The following TMPRSS15 variants were observed in gnomAD, a reference collection of about 807,000 sequenced individuals.
TMPRSS15 encodes the protein transmembrane serine protease 15, also known as enteropeptidase.
A neutral mutation model predicts 125.3 loss-of-function variants in TMPRSS15; 128 were observed. The ratio of observed to expected loss-of-function variants is 1.02; its 90% CI spans 0.89 to 1.18. The LOEUF is 1.18. Among genes scored for constraint, TMPRSS15 ranks in the 50% most tolerant of loss-of-function variants. TMPRSS15 has a pLI of 0.00. For synonymous variants in TMPRSS15, 446 were observed against 423.2 expected (o/e 1.05, Z -0.66); for missense variants, 1,283 against 1,212.7 (o/e 1.06, Z -0.86).
chr21:18,384,513 A>G (rs1310298973), intron 3 of TMPRSS15, among the ~76,000 whole-genome samples: 5 of 152,116 alleles, frequency 3.3e-5, no homozygotes, highest in South Asian at 2.1e-4. Context: ...CATGCATTTT[A>G]AAAGGTAACT....
chr21:18,356,268 A>G (rs911106161), intron 8 of TMPRSS15, among the ~76,000 whole-genome samples: 1 of 151,852 alleles, frequency 6.6e-6, no homozygotes, highest in Non-Finnish European at 1.5e-5. Flanking sequence ...CCAACTTTCT[A>G]CAGAATAGGA....
At chr21:18,274,943 C>G (rs1049593013) in intron 24 of TMPRSS15, among the ~76,000 whole-genome samples, 3 of 152,218 alleles carry the variant, frequency 2.0e-5, no homozygotes, top group African/African-American at 7.2e-5. Context: ...TTTTAGCTGG[C>G]TGCCTCACAC....
chr21:18,325,990 G>A (rs2075285199), intron 16 of TMPRSS15, among the ~76,000 whole-genome samples: 1 of 151,900 alleles, frequency 6.6e-6, no homozygotes, highest in Non-Finnish European at 1.5e-5. Context: ...GCTTTACTCT[G>A]GTTGTCTCCA....
chr21:18,391,268 T>G (rs2075987900), intron 3 of TMPRSS15, among the ~76,000 whole-genome samples: 1 of 152,190 alleles, frequency 6.6e-6, no homozygotes, highest in African/African-American at 2.4e-5. Flanking sequence ...AAGTCCAAAG[T>G]CTCATCTGAG....
intron 1 of TMPRSS15, chr21:18,485,723 TC>T (rs1429950327): frequency 6.4e-6 from 1 of 155,528 alleles, no homozygotes; most frequent in East Asian, 1.9e-4. Context: ...ATTGTGTTAG[TC>T]TGTTCTCACA....
chr21:18,442,450 G>A (rs1389100072), intron 1 of TMPRSS15, among the ~76,000 whole-genome samples: 2 of 151,844 alleles, frequency 1.3e-5, no homozygotes, highest in Non-Finnish European at 2.9e-5. Context: ...GCAAACTTTT[G>A]CTCCAAATAT....
intron 13 of TMPRSS15, among the ~76,000 whole-genome samples, chr21:18,334,001 G>A (rs1042634936): frequency 4.6e-5 from 7 of 151,972 alleles, no homozygotes; most frequent in African/African-American, 9.7e-5. Flanking sequence ...ATTATGAAAG[G>A]CATATAATAC....
intron 3 of TMPRSS15, among the ~76,000 whole-genome samples, chr21:18,387,130 TA>T (rs1303793233): frequency 6.6e-6 from 1 of 152,082 alleles, no homozygotes; most frequent in Non-Finnish European, 1.5e-5. Context: ...AAAGCAGAAA[TA>T]AAAAAAGTTG....
In TMPRSS15 at chr21:18,297,745, T is replaced by C. The variant is rs770528581; in HGVS notation, c.2250A>G (p.Ile750Met). The C allele has an allele frequency of 6.2e-7, 1 of 1,613,370 alleles. No individual in the cohort carries two copies. Among genetic ancestry groups the C allele is most frequent in the Non-Finnish European group, 8.5e-7 (1 of 1,179,350 alleles). The change falls in exon 19 of 25, where the codon ATA becomes ATG. Residue 750 changes from isoleucine to methionine, a missense_variant. Physicochemically the swap from Ile to Met is conservative, Grantham distance 10 (BLOSUM62 1). Transcript: ENST00000284885. The stretch of plus-strand genomic sequence containing the variant: ...ATTTAGGGACCCACCTGGGTGTTAG[T>C]ATTAAGTGGCCATCAGGTGCTGTGT... Reference protein sequence around the residue: ...KLNTAPDGHLILTPSQQCLQD... With the variant: ...KLNTAPDGHLMLTPSQQCLQD...
intron 4 of TMPRSS15, among the ~76,000 whole-genome samples, chr21:18,379,909 A>G (rs1487762951): frequency 6.6e-6 from 1 of 152,114 alleles, no homozygotes; most frequent in Non-Finnish European, 1.5e-5. Flanking sequence ...TAAGACTTCA[A>G]GTCTTATAAA....
chr21:18,397,989 A>T, intron 2 of TMPRSS15, 43 bp from the exon 3 acceptor site: 1 of 1,355,026 alleles, frequency 7.4e-7, no homozygotes, highest in South Asian at 1.3e-5. Context: ...TAAATTTAGG[A>T]TTTTAACTTT....
chr21:18,345,626 A>T (rs2075497709), intron 10 of TMPRSS15, among the ~76,000 whole-genome samples: 1 of 145,332 alleles, frequency 6.9e-6, no homozygotes, highest in African/African-American at 2.5e-5. Context: ...CTGTAGTCCC[A>T]GCTACTCGGG....
intron 1 of TMPRSS15, among the ~76,000 whole-genome samples, chr21:18,461,623 G>A (rs1978552307): frequency 6.6e-6 from 1 of 152,034 alleles, no homozygotes; most frequent in African/African-American, 2.4e-5. Context: ...CACATTTTAT[G>A]TTATAAGCAA....
intron 1 of TMPRSS15, among the ~76,000 whole-genome samples, chr21:18,433,882 A>G (rs2076222246): frequency 6.6e-6 from 1 of 152,104 alleles, no homozygotes; most frequent in South Asian, 2.1e-4. Context: ...GTTGAAAAAT[A>G]TCTGTCCTTC....
At chr21:18,404,817 C>G (rs890201029), upstream of TMPRSS15, among the ~76,000 whole-genome samples, 1 of 151,544 alleles carries the variant, frequency 6.6e-6, no homozygotes, top group Non-Finnish European at 1.5e-5. Context: ...CCTGTTGCCC[C>G]CAAACTCAAG....
At chr21:18,312,530 T>C (rs1186025988) in intron 18 of TMPRSS15, among the ~76,000 whole-genome samples, 1 of 151,176 alleles carries the variant, frequency 6.6e-6, no homozygotes, top group Non-Finnish European at 1.5e-5. Flanking sequence ...CTATAAATTT[T>C]CCAAAAAAAC....
chr21:18,318,262 A>C (rs990100631), intron 16 of TMPRSS15, among the ~76,000 whole-genome samples: 1 of 152,118 alleles, frequency 6.6e-6, no homozygotes, highest in Non-Finnish European at 1.5e-5. Context: ...TTTATAAGAG[A>C]TTATTGTACT....
At chr21:18,339,063 A>C (rs1466555613) in intron 13 of TMPRSS15, among the ~76,000 whole-genome samples, 1 of 152,046 alleles carries the variant, frequency 6.6e-6, no homozygotes, top group Non-Finnish European at 1.5e-5. Flanking sequence ...AGGGGCATAT[A>C]ATTATACATT....
intron 1 of TMPRSS15, among the ~76,000 whole-genome samples, chr21:18,450,067 T>G (rs972795125): frequency 6.6e-6 from 1 of 152,158 alleles, no homozygotes; most frequent in Non-Finnish European, 1.5e-5. Context: ...TTTCAACTTA[T>G]GGAAGCAATT....
Sources: gnomAD v4.1 joint callset for allele counts (sites outside exome capture counted in the v4.1 genomes callset) on GRCh38, gnomAD v4.1.1 for gene constraint, MANE v1.5 for transcripts, NCBI Gene and HGNC (gene_info 2026-07-23, HGNC 2026-07-21) for gene names.